GPLD1: variants seen among roughly 807,000 people sequenced by gnomAD.
GPLD1 encodes phosphatidylinositol-glycan-specific phospholipase D.
Under a neutral mutation model 112.6 loss-of-function variants are expected in GPLD1, and 84 were observed. The observed-to-expected ratio is 0.75, with a 90% CI of 0.63 to 0.89. GPLD1 has a LOEUF of 0.89. Among genes scored for constraint, GPLD1 ranks in the 40% least tolerant of loss-of-function variants. GPLD1 has a pLI of 0.00. For synonymous variants in GPLD1, 386 were observed against 403.8 expected, an observed-to-expected ratio of 0.96 and a Z score of 0.53; for missense variants, 1,044 against 1,051.5, an observed-to-expected ratio of 0.99 and a Z score of 0.10.
rs1762976178 is a variant in GPLD1 at position 24,448,276 on chromosome 6, A to C, written c.1447-68T>G. 13 of 1,055,594 alleles carry C rather than the reference A, an allele frequency of 1.2e-5. No individual in the cohort carries two copies. The East Asian group carries it at 2.6e-4, about 21-fold the overall frequency. 65.4% of individuals were successfully genotyped at this position (1,055,594 alleles called of 1,614,324 possible). A position where few individuals can be genotyped will look rare whatever the true frequency, so the allele number is the denominator to read the frequency against. On this transcript the variant is annotated intron_variant, in intron 15 of 24. Coordinates refer to ENST00000230036, the MANE Select transcript of GPLD1 (RefSeq NM_001503.4). ...TGACCCAAGAACCTTAAATAACAGA[A>C]GATAAAAAGGACTGACTCTGGGTCC... is the stretch of plus-strand genomic sequence containing the variant.
In GPLD1 at chr6:24,427,316, C is replaced by G. The variant is rs1303210565; in HGVS notation, c.*1716G>C. On this transcript the variant is annotated 3_prime_UTR_variant, in exon 25 of 25. Coordinates refer to ENST00000230036, the MANE Select transcript of GPLD1 (RefSeq NM_001503.4). ...GGCCTGCTTTCCTCTCCGGCCCTTA[C>G]AGTAGCGTGTGGCTCAGGCCACATC... 3.3e-5 allele frequency among the ~76,000 whole-genome samples: 5 copies of G among 152,196 alleles called. No individual in the cohort carries two copies. The highest frequency in any genetic ancestry group is 3.3e-4 in the Admixed American group (5 of 15,282).
intron 14 of GPLD1, among the ~76,000 whole-genome samples, chr6:24,451,061 T>G (rs1253249733): frequency 6.6e-6 from 1 of 152,222 alleles, no homozygotes; most frequent in Non-Finnish European, 1.5e-5. Flanking sequence ...GTTCAAAGCC[T>G]GTGTTTTATG....
At chr6:24,431,772 C>A (rs528468749) in intron 24 of GPLD1, among the ~76,000 whole-genome samples, 1 of 151,618 alleles carries the variant, frequency 6.6e-6, no homozygotes, top group Non-Finnish European at 1.5e-5. Context: ...TGACCTCAGG[C>A]GATCCACCAA....
Position 24,428,915 on chromosome 6 carries a change from G to GTCTA in GPLD1, c.*113_*116dup. 7 of 601,506 alleles carry GTCTA rather than the reference G, an allele frequency of 1.2e-5. No homozygotes were observed. The highest frequency in any genetic ancestry group is 1.8e-5 in the Non-Finnish European group (6 of 340,706). The allele number at this position is 601,506 out of a possible 1,614,324, so 37.3% of individuals were successfully genotyped here. ...GTCTCTCTACTCCCAGGAGCCCCAT[G>GTCTA]TCTATCAGGATCTACCACCGCTCCA... is the stretch of plus-strand genomic sequence containing the variant. On this transcript the variant is annotated 3_prime_UTR_variant, in exon 25 of 25. Coordinates refer to ENST00000230036, the MANE Select transcript of GPLD1 (RefSeq NM_001503.4).
chr6:24,495,168 C>G, exon 1 of GPLD1: 4 of 1,484,162 alleles, frequency 2.7e-6, no homozygotes, highest in Non-Finnish European at 3.6e-6. Flanking sequence ...CTCTGCGGCG[C>G]TGCTGCGCAC....
At position 24,472,331 on chromosome 6, in the gene GPLD1, C is replaced by G. The variant is rs371326292; in HGVS notation, c.545+251G>C. Among the ~76,000 whole-genome samples the G allele has an allele frequency of 3.3e-5, 5 of 152,240 alleles. No individual in the cohort carries two copies. In the East Asian group the frequency reaches 9.6e-4, roughly 29 times the overall value. ...GAAGAACCAGAATGATTATACAAAG[C>G]TAATGGGAGCATAAGTTAAGATGAT... On this transcript the variant is annotated intron_variant, in intron 7 of 24. Coordinates refer to ENST00000230036, the MANE Select transcript of GPLD1 (RefSeq NM_001503.4).
At chr6:24,447,537 T>C (rs955515827) in intron 17 of GPLD1, among the ~76,000 whole-genome samples, 1 of 151,126 alleles carries the variant, frequency 6.6e-6, no homozygotes, top group East Asian at 1.9e-4. Context: ...AAAACAACAA[T>C]AACAACAACA....
intron 18 of GPLD1, 74 bp downstream of exon 18, chr6:24,446,764 A>C (rs1374292758): frequency 2.1e-5 from 30 of 1,437,548 alleles, no homozygotes; most frequent in Non-Finnish European, 2.6e-5. Flanking sequence ...CCTCAGCCTC[A>C]TGCTCAGTGC....
At chr6:24,482,161 G>C (rs550737301) in intron 2 of GPLD1, among the ~76,000 whole-genome samples, 2 of 147,164 alleles carry the variant, frequency 1.4e-5, no homozygotes, top group Non-Finnish European at 3.0e-5. Flanking sequence ...GTGCAGTGGC[G>C]TGATCTCAGC....
intron 14 of GPLD1, among the ~76,000 whole-genome samples, 171 bp from the exon 15 acceptor site, chr6:24,450,070 C>T (rs1312934859): frequency 6.6e-6 from 1 of 151,922 alleles, no homozygotes; most frequent in Non-Finnish European, 1.5e-5. Context: ...GTAGCTCTGC[C>T]CTAAGTATAT....
chr6:24,494,976 G>C, exon 1 of GPLD1: 1 of 1,305,354 alleles, frequency 7.7e-7, no homozygotes, highest in Non-Finnish European at 9.7e-7. Context: ...CCTGTTTCCT[G>C]TCGCCGTCGT....
In GPLD1 at chr6:24,467,218, A is replaced by G. The variant is rs534192797; in HGVS notation, c.602T>C (p.Val201Ala). 2 of 1,608,916 alleles carry G rather than the reference A, an allele frequency of 1.2e-6. No individual in the cohort carries two copies. The highest frequency in any genetic ancestry group is 1.7e-6 in the Non-Finnish European group (2 of 1,175,352). The stretch of plus-strand genomic sequence containing the variant: ...ATCAACGATTACATTTTCGGTGATG[A>G]CTTTTCGACCATACAGTTTCTCATA... Reference protein sequence around the residue: ...GIYEKLYGRKVITENVIVDCS... With the variant: ...GIYEKLYGRKAITENVIVDCS... The change falls in exon 8 of 25, where the codon GTC (valine) becomes GCC (alanine). Residue 201 changes from valine (V) to alanine (A), a missense_variant. Transcript: ENST00000230036.
At chr6:24,429,246 T>C in intron 24 of GPLD1, 128 bp from the exon 25 acceptor site, 1 of 524,680 alleles carries the variant, frequency 1.9e-6, no homozygotes, top group Middle Eastern at 2.8e-4. Context: ...ATCCCCTGGC[T>C]TGAACTCAAA....
intron 15 of GPLD1, among the ~76,000 whole-genome samples, chr6:24,448,698 C>A (rs1762988980): frequency 6.6e-6 from 1 of 152,162 alleles, no homozygotes; most frequent in Admixed American, 6.5e-5. Flanking sequence ...CAAGGACCAG[C>A]ACAGTTTCAG....
At chr6:24,495,269 C>A, upstream of GPLD1, 1 of 1,532,822 alleles carries the variant, frequency 6.5e-7, no homozygotes, top group South Asian at 1.2e-5. Context: ...GCATGGTAGC[C>A]GACTGCGGGG....
intron 1 of GPLD1, among the ~76,000 whole-genome samples, chr6:24,488,182 C>CA (rs1764438974): frequency 6.6e-6 from 1 of 151,942 alleles, no homozygotes; most frequent in Non-Finnish European, 1.5e-5. Flanking sequence ...CCGAGGCAGG[C>CA]GGATCGCAAG....
At position 24,473,811 on chromosome 6, in the gene GPLD1, T is replaced by C. The variant is rs987762966; in HGVS notation, c.442-144A>G. On this transcript the variant is annotated intron_variant, in intron 5 of 24. Transcript: ENST00000230036. ...AATAGACTCAATTTTCACACTAACA[T>C]TTTATTAGTAAAAAAATAATAATAA... The C allele has an allele frequency of 6.0e-5, 32 of 535,312 alleles. No homozygotes were observed. In the Middle Eastern group the frequency reaches 8.9e-4, roughly 15 times the overall value. The allele number at this position is 535,312 out of a possible 1,614,324, so 33.2% of individuals were successfully genotyped here.
chr6:24,457,833 G>A lies in GPLD1; in HGVS notation c.1009-1196C>T, dbSNP rs1336232242. On this transcript the variant is annotated intron_variant, in intron 12 of 24. Coordinates refer to ENST00000230036, the MANE Select transcript of GPLD1 (RefSeq NM_001503.4). ...GGTTGCAGTGAGCTGAGATCGTGCC[G>A]CTGCACGCTAGCCTGGGTGACAGAG... 2.0e-5 allele frequency among the ~76,000 whole-genome samples: 3 copies of A among 151,422 alleles called. No homozygotes were observed. In the East Asian group the frequency reaches 5.8e-4, roughly 29 times the overall value.
At chr6:24,431,392 A>G (rs1181917542) in intron 24 of GPLD1, among the ~76,000 whole-genome samples, 4 of 152,130 alleles carry the variant, frequency 2.6e-5, no homozygotes, top group Non-Finnish European at 2.9e-5. Context: ...TTAATCCTAT[A>G]CTAATTTGCA....
Sources: gnomAD v4.1 joint callset for allele counts (sites outside exome capture counted in the v4.1 genomes callset) on GRCh38, gnomAD v4.1.1 for gene constraint, MANE v1.5 for transcripts, NCBI Gene and HGNC (gene_info 2026-07-23, HGNC 2026-07-21) for gene names.